INVS: variants seen among roughly 807,000 people sequenced by gnomAD.
The protein encoded by INVS is inversin.
A neutral mutation model predicts 108.8 loss-of-function variants in INVS; 86 were observed. That is an observed-to-expected ratio of 0.79 (90% CI 0.66 to 0.95). The LOEUF (loss-of-function observed/expected upper bound fraction) is 0.95. Ranked by LOEUF, INVS falls within the 40% of genes least tolerant of loss-of-function variation. The pLI is 0.00. For missense variants in INVS, 1,169 were observed against 1,297.4 expected, an observed-to-expected ratio of 0.90 and a Z score of 1.52; for synonymous variants, 455 against 473.5, an observed-to-expected ratio of 0.96 and a Z score of 0.51.
intron 13 of INVS, 92 bp downstream of exon 13, chr9:100,284,695 G>GT: frequency 7.5e-7 from 1 of 1,342,106 alleles, no homozygotes; most frequent in Non-Finnish European, 1.0e-6. Context: ...TAAGATAATT[G>GT]TTATATTAGC....
chr9:100,207,197 G>T (rs980654418), intron 3 of INVS, among the ~76,000 whole-genome samples: 1 of 152,124 alleles, frequency 6.6e-6, no homozygotes. Context: ...CCACTCTATT[G>T]TTAGCATCGT....
intron 3 of INVS, among the ~76,000 whole-genome samples, chr9:100,143,502 C>T (rs566089462): frequency 6.6e-6 from 1 of 151,818 alleles, no homozygotes; most frequent in East Asian, 1.9e-4. Context: ...CAGGATCGGT[C>T]ACTAAGGAGG....
chr9:100,111,292 A>G (rs1445048694), intron 2 of INVS, among the ~76,000 whole-genome samples: 1 of 152,260 alleles, frequency 6.6e-6, no homozygotes, highest in Non-Finnish European at 1.5e-5. Flanking sequence ...TAGCACAACT[A>G]TAACTGCAAG....
At chr9:100,166,533 G>A (rs1313469706) in intron 3 of INVS, among the ~76,000 whole-genome samples, 1 of 152,068 alleles carries the variant, frequency 6.6e-6, no homozygotes, top group Non-Finnish European at 1.5e-5. Flanking sequence ...AGAAAAAAAA[G>A]AAGCCACAGA....
chr9:100,301,530 T>C lies in INVS; in HGVS notation c.*856T>C, dbSNP rs2118804563. ...AGTGAGCAATCTTCTTAAAATGCCA[T>C]TTCTGTTGGCAGGGAAGAATGAAAC... On this transcript the variant is annotated 3_prime_UTR_variant, in exon 17 of 17. Coordinates refer to ENST00000262457, the MANE Select transcript of INVS (RefSeq NM_014425.5). 6.6e-6 allele frequency among the ~76,000 whole-genome samples: 1 copy of C among 152,304 alleles called. No individual in the cohort carries two copies. The highest frequency in any genetic ancestry group is 1.9e-4 in the East Asian group (1 of 5,182).
chr9:100,240,262 C>CTT, intron 6 of INVS, 22 bp downstream of exon 6: 2 of 1,588,572 alleles, frequency 1.3e-6, no homozygotes, highest in Non-Finnish European at 1.7e-6. Context: ...AAAGGATCAA[C>CTT]AGTAAAAGGA....
rs537934153 is a variant in INVS at position 100,273,075 on chromosome 9, A to C, written c.1783A>C (p.Lys595Gln). The C allele has an allele frequency of 1.9e-6, 3 of 1,613,536 alleles. No homozygotes were observed. The South Asian group carries it at 3.3e-5, about 18-fold the overall frequency. ...HEQLRKDAAAKKREEENKRKE... is the reference protein window; with the variant it reads ...HEQLRKDAAAQKREEENKRKE... Reference sequence around the variant, plus strand: ...ACAGTTGAGAAAAGATGCTGCTGCCAAGTAAGTATGAGCTACGCAGATTGC... The same window carrying C: ...ACAGTTGAGAAAAGATGCTGCTGCCCAGTAAGTATGAGCTACGCAGATTGC... Residue 595 changes from lysine to glutamine, a missense_variant and splice_region_variant, in exon 12 of 17, where the codon AAA (lysine) becomes CAA (glutamine). Physicochemically the swap from Lys to Gln is moderately conservative, Grantham distance 53. Transcript: ENST00000262457.
In INVS at chr9:100,109,246, C is replaced by T. The variant is rs192240131; in HGVS notation, c.106+4619C>T. Among the ~76,000 whole-genome samples, 411 of 152,160 alleles carry T rather than the reference C, an allele frequency of 2.7e-3. 1 individual carries two copies. Among genetic ancestry groups the T allele is most frequent in the Non-Finnish European group, 4.6e-3 (312 of 67,986 alleles). On this transcript the variant is annotated intron_variant, in intron 2 of 16. Coordinates refer to ENST00000262457, the MANE Select transcript of INVS (RefSeq NM_014425.5). The stretch of plus-strand genomic sequence containing the variant: ...ATTTTTAAGCCTCAGTTTCCTCATC[C>T]GTAAACTATAGATTATAATATTTCA...
intron 3 of INVS, among the ~76,000 whole-genome samples, chr9:100,178,351 A>G (rs1829779877): frequency 6.6e-6 from 1 of 152,208 alleles, no homozygotes; most frequent in African/African-American, 2.4e-5. Flanking sequence ...TCTGTAAAGG[A>G]GCATGTTCTA....
chr9:100,265,024 C>G, intron 11 of INVS, 96 bp downstream of exon 11: 1 of 773,396 alleles, frequency 1.3e-6, no homozygotes, highest in Non-Finnish European at 2.3e-6. Context: ...CTCACTGCAA[C>G]CTTCGCCTCC....
At chr9:100,188,138 C>A (rs1464961997) in intron 3 of INVS, among the ~76,000 whole-genome samples, 1 of 152,142 alleles carries the variant, frequency 6.6e-6, no homozygotes, top group Non-Finnish European at 1.5e-5. Flanking sequence ...GATAGTTTGA[C>A]CTTCTCATTT....
intron 3 of INVS, among the ~76,000 whole-genome samples, chr9:100,207,335 C>G (rs973617148): frequency 6.6e-6 from 1 of 151,662 alleles, no homozygotes; most frequent in African/African-American, 2.4e-5. Flanking sequence ...ACTCTGTCAC[C>G]CAGGCTGGAA....
intron 3 of INVS, among the ~76,000 whole-genome samples, chr9:100,207,453 C>T (rs1830708185): frequency 6.6e-6 from 1 of 152,010 alleles, no homozygotes; most frequent in Non-Finnish European, 1.5e-5. Context: ...ACCACCATGC[C>T]TGCTAATTTT....
intron 3 of INVS, chr9:100,129,822 G>A: frequency 2.0e-6 from 1 of 492,764 alleles, no homozygotes; most frequent in Non-Finnish European, 3.8e-6. Context: ...AACCCTAACA[G>A]GAAGCAGCAG....
intron 7 of INVS, among the ~76,000 whole-genome samples, chr9:100,246,089 G>A (rs1162965750): frequency 6.6e-6 from 1 of 151,254 alleles, no homozygotes; most frequent in Non-Finnish European, 1.5e-5. Context: ...GGAGGCAGAG[G>A]TTGCAGTGAG....
At chr9:100,106,286 T>G (rs1013468022) in intron 2 of INVS, among the ~76,000 whole-genome samples, 2 of 152,212 alleles carry the variant, frequency 1.3e-5, no homozygotes, top group Non-Finnish European at 2.9e-5. Context: ...ACATGCTCTG[T>G]GTTCCATCCC....
At chr9:100,253,237 A>G in intron 10 of INVS, 101 bp downstream of exon 10, 1 of 856,610 alleles carries the variant, frequency 1.2e-6, no homozygotes, top group South Asian at 1.4e-5. Context: ...AGATGAAGAG[A>G]TCACCCACAA....
chr9:100,146,818 T>A (rs1828633601), intron 3 of INVS, among the ~76,000 whole-genome samples: 1 of 152,212 alleles, frequency 6.6e-6, no homozygotes, highest in Admixed American at 6.5e-5. Context: ...TTCTGTTGTG[T>A]GTATATACCG....
intron 12 of INVS, among the ~76,000 whole-genome samples, chr9:100,283,790 C>G (rs771919664): frequency 6.6e-6 from 1 of 152,206 alleles, no homozygotes; most frequent in East Asian, 1.9e-4. Flanking sequence ...GAGCTGTCAA[C>G]GGCAGCATCT....
Sources: allele counts gnomAD v4.1 joint callset (sites outside exome capture counted in the v4.1 genomes callset), GRCh38; gene constraint gnomAD v4.1.1; transcripts MANE v1.5; gene names NCBI Gene and HGNC (gene_info 2026-07-23, HGNC 2026-07-21).